The following CACNA1D variants were observed in gnomAD, a reference collection of about 807,000 sequenced individuals.
CACNA1D encodes the protein calcium voltage-gated channel subunit alpha1 D, also known as voltage-dependent L-type calcium channel subunit alpha-1D.
A neutral mutation model predicts 257.1 loss-of-function variants in CACNA1D; 55 were observed. That is an observed-to-expected ratio of 0.21 (90% CI 0.17 to 0.27). The LOEUF (loss-of-function observed/expected upper bound fraction) is 0.27, where lower values mean the gene tolerates loss of function less well. CACNA1D is among the 10% of genes least tolerant of loss of function. The pLI is 1.00. For missense variants in CACNA1D, 1,876 were observed against 2,784.0 expected, an observed-to-expected ratio of 0.67 and a Z score of 7.34; for synonymous variants, 980 against 1,014.9, an observed-to-expected ratio of 0.97 and a Z score of 0.65.
At chr3:53,663,546 G>A (rs186656213) in intron 5 of CACNA1D, among the ~76,000 whole-genome samples, 5 of 152,256 alleles carry the variant, frequency 3.3e-5, no homozygotes, top group Admixed American at 2.6e-4. Context: ...CCTGAGTGCT[G>A]CCCCCATCCT....
intron 9 of CACNA1D, among the ~76,000 whole-genome samples, chr3:53,705,348 C>T (rs1389029710): frequency 1.3e-5 from 2 of 152,100 alleles, no homozygotes; most frequent in African/African-American, 4.8e-5. Flanking sequence ...CCCTTAAGTG[C>T]ATTGCTCAGT....
chr3:53,683,793 T>C (rs1299581478), intron 8 of CACNA1D, among the ~76,000 whole-genome samples: 2 of 152,190 alleles, frequency 1.3e-5, no homozygotes, highest in Admixed American at 1.3e-4. Flanking sequence ...TAGTGATCTC[T>C]AAAACAACAA....
intron 40 of CACNA1D, chr3:53,790,976 T>C (rs1288248646): frequency 2.8e-6 from 2 of 702,370 alleles, no homozygotes; most frequent in Admixed American, 4.0e-5. Flanking sequence ...ATTCGTTTGT[T>C]TCAGATGCTT....
intron 15 of CACNA1D, among the ~76,000 whole-genome samples, chr3:53,728,658 G>A (rs2094959415): frequency 6.6e-6 from 1 of 152,232 alleles, no homozygotes; most frequent in African/African-American, 2.4e-5. Context: ...CTGCAGAGAA[G>A]TATTCCCTGG....
At chr3:53,506,260 G>A (rs947420105) in intron 3 of CACNA1D, among the ~76,000 whole-genome samples, 24 of 152,060 alleles carry the variant, frequency 1.6e-4, no homozygotes, top group Non-Finnish European at 1.9e-4. Flanking sequence ...TCCACTCCCC[G>A]CCTGCCTACA....
At chr3:53,734,049 T>C (rs1385756867) in intron 19 of CACNA1D, among the ~76,000 whole-genome samples, 4 of 125,760 alleles carry the variant, frequency 3.2e-5, no homozygotes, top group East Asian at 4.7e-4. Flanking sequence ...TATATATATA[T>C]GTTGAGGGAA....
At chr3:53,787,054 G>C in intron 40 of CACNA1D, 102 bp downstream of exon 40, 2 of 1,290,428 alleles carry the variant, frequency 1.5e-6, no homozygotes. Flanking sequence ...AGTACCACAA[G>C]GATTTTGTTT....
chr3:53,731,165 T>G lies in CACNA1D; in HGVS notation c.2406+19T>G. 3 of 1,533,826 alleles carry G rather than the reference T, an allele frequency of 2.0e-6. No homozygotes were observed. Among genetic ancestry groups the G allele is most frequent in the African/African-American group, 1.4e-5 (1 of 73,374 alleles). On this transcript the variant is annotated intron_variant, in intron 17 of 47. Coordinates refer to ENST00000350061, the MANE Select transcript of CACNA1D (RefSeq NM_001128840.3). ...CAACAAGGTATGTATTCTAAGATGC[T>G]TCTCCCCTTTTTGTTTCAAAATGAT...
At chr3:53,604,633 C>T (rs1172979387) in intron 3 of CACNA1D, among the ~76,000 whole-genome samples, 1 of 152,126 alleles carries the variant, frequency 6.6e-6, no homozygotes, top group East Asian at 1.9e-4. Flanking sequence ...CATATCCCTG[C>T]TTTACAGACC....
intron 7 of CACNA1D, among the ~76,000 whole-genome samples, chr3:53,672,444 G>C (rs2094331803): frequency 6.6e-6 from 1 of 152,164 alleles, no homozygotes; most frequent in African/African-American, 2.4e-5. Context: ...AGGTGGGTTT[G>C]GTTTCCTTGG....
At chr3:53,641,894 C>T (rs1370184698) in intron 3 of CACNA1D, among the ~76,000 whole-genome samples, 1 of 152,170 alleles carries the variant, frequency 6.6e-6, no homozygotes, top group African/African-American at 2.4e-5. Flanking sequence ...GATGTTGTCT[C>T]TTGAGAAATG....
chr3:53,609,409 C>CAAAAAAAAAAAAAAAAAAAAAAAAAAA (rs33943272), intron 3 of CACNA1D, among the ~76,000 whole-genome samples: 1 of 79,662 alleles, frequency 1.3e-5, no homozygotes. Context: ...GACTCTACCT[C>CAAAAAAAAAAAAAAAAAAAAAAAAAAA]AAAAAAAAAA....
intron 4 of CACNA1D, 49 bp from the exon 5 acceptor site, chr3:53,660,084 T>C: frequency 6.4e-7 from 1 of 1,557,202 alleles, no homozygotes; most frequent in Non-Finnish European, 8.9e-7. Flanking sequence ...CTGTTTTGCG[T>C]CCCTGGGGTA....
intron 5 of CACNA1D, among the ~76,000 whole-genome samples, chr3:53,662,060 C>T (rs777766494): frequency 6.6e-6 from 1 of 152,120 alleles, no homozygotes; most frequent in Non-Finnish European, 1.5e-5. Context: ...GGTTGGCAGC[C>T]GTGGCCTGCT....
At chr3:53,502,202 C>T (rs1372138847) in intron 3 of CACNA1D, among the ~76,000 whole-genome samples, 1 of 151,688 alleles carries the variant, frequency 6.6e-6, no homozygotes, top group Non-Finnish European at 1.5e-5. Flanking sequence ...CTACATAGAG[C>T]ATAATTTGGA....
chr3:53,501,469 C>G, intron 2 of CACNA1D, 146 bp from the exon 3 acceptor site: 2 of 633,044 alleles, frequency 3.2e-6, no homozygotes, highest in East Asian at 2.8e-5. Flanking sequence ...TGCCGAAAAC[C>G]TAGCAGTCAC....
intron 46 of CACNA1D, 147 bp from the exon 47 acceptor site, chr3:53,809,831 C>T (rs764854956): frequency 1.1e-5 from 8 of 750,256 alleles, no homozygotes; most frequent in South Asian, 2.9e-5. Context: ...ATTCATTCAG[C>T]GTACTTCAGT....
intron 40 of CACNA1D, among the ~76,000 whole-genome samples, chr3:53,795,344 G>GTGAGTA (rs1460968848): frequency 6.6e-6 from 1 of 152,216 alleles, no homozygotes; most frequent in Non-Finnish European, 1.5e-5. Flanking sequence ...GTGACTATAG[G>GTGAGTA]TGAGTAAGTG....
chr3:53,770,541 A>G lies in CACNA1D; in HGVS notation c.4033A>G (p.Lys1345Glu). Residue 1345 changes from lysine to glutamate, a missense_variant, in exon 32 of 48, where the codon AAG becomes GAG. Coordinates refer to ENST00000350061, the MANE Select transcript of CACNA1D (RefSeq NM_001128840.3). ...CCGGACATTGCTGTGGACTTTTATT[A>G]AGTCCTTTCAGGTAAGAGCCATGCC... Reference protein sequence around the residue: ...GIRTLLWTFIKSFQALPYVAL... With the variant: ...GIRTLLWTFIESFQALPYVAL... The G allele has an allele frequency of 6.2e-7, 1 of 1,613,916 alleles. No individual in the cohort carries two copies. Among genetic ancestry groups the G allele is most frequent in the Non-Finnish European group, 8.5e-7 (1 of 1,179,834 alleles).
Sources: allele counts gnomAD v4.1 joint callset (sites outside exome capture counted in the v4.1 genomes callset), GRCh38; gene constraint gnomAD v4.1.1; transcripts MANE v1.5; gene names NCBI Gene and HGNC (gene_info 2026-07-23, HGNC 2026-07-21).